The following CGA variants were observed in gnomAD, a reference collection of about 807,000 sequenced individuals.
CGA encodes the protein glycoprotein hormones alpha chain.
A neutral mutation model predicts 12.0 loss-of-function variants in CGA; 4 were observed. The ratio of observed to expected loss-of-function variants is 0.33; its 90% CI spans 0.16 to 0.76. The LOEUF (loss-of-function observed/expected upper bound fraction) is 0.76, where lower values mean the gene tolerates loss of function less well. Ranked by LOEUF, CGA falls within the 30% of genes least tolerant of loss-of-function variation. The pLI is 0.60. For missense variants in CGA, 102 were observed against 143.5 expected, an observed-to-expected ratio of 0.71 and a Z score of 1.48; for synonymous variants, 60 against 56.6, an observed-to-expected ratio of 1.06 and a Z score of -0.27.
chr6:87,092,523 AAGAGAG>A (rs57158408), intron 1 of CGA, among the ~76,000 whole-genome samples: 12 of 146,942 alleles, frequency 8.2e-5, no homozygotes, highest in East Asian at 2.0e-4. Context: ...GAAAACAAAA[AAGAGAG>A]AGAGAGAGAG....
chr6:87,092,048 T>C (rs1025208546), intron 1 of CGA, among the ~76,000 whole-genome samples: 12 of 151,426 alleles, frequency 7.9e-5, no homozygotes, highest in Non-Finnish European at 1.8e-4. Flanking sequence ...GAAGTGGGCA[T>C]CTCACTATGT....
chr6:87,094,210 G>A (rs572771115), intron 1 of CGA, among the ~76,000 whole-genome samples: 1 of 152,296 alleles, frequency 6.6e-6, no homozygotes, highest in South Asian at 2.1e-4. Context: ...GACCCATATA[G>A]TGTCAGCCCA....
rs1303816202 is a variant in CGA, at chr6:87,086,302, T to G, written c.221A>C (p.Gln74Pro). The G allele has an allele frequency of 6.2e-7, 1 of 1,614,016 alleles. No individual in the cohort carries two copies. Among genetic ancestry groups the G allele is most frequent in the South Asian group, 1.1e-5 (1 of 91,068 alleles). ...PLRSKKTMLV[Q>P]KNVTSESTCC... ...AGTGGACTCTGAGGTGACGTTCTTT[T>G]GGACCAACATCGTCTTCTTGGACCT... The change falls in exon 3 of 4, where the codon CAA becomes CCA. Residue 74 changes from glutamine (Q) to proline (P), a missense_variant. Transcript: ENST00000627148.
At chr6:87,087,504 G>T (rs1648035668) in intron 2 of CGA, among the ~76,000 whole-genome samples, 1 of 152,276 alleles carries the variant, frequency 6.6e-6, no homozygotes, top group African/African-American at 2.4e-5. Flanking sequence ...TATTGACAGA[G>T]AGAAATATGT....
intron 1 of CGA, among the ~76,000 whole-genome samples, chr6:87,088,707 A>G (rs952551348): frequency 6.6e-6 from 1 of 152,202 alleles, no homozygotes; most frequent in Non-Finnish European, 1.5e-5. Flanking sequence ...GACATATTAC[A>G]TATCTATCAG....
At chr6:87,086,021 C>T (rs1769315736) in intron 3 of CGA, 188 bp from the exon 4 acceptor site, 8 of 649,300 alleles carry the variant, frequency 1.2e-5, no homozygotes, top group Non-Finnish European at 1.9e-5. Flanking sequence ...TCCCAACCTG[C>T]CCCTTGTCAC....
intron 1 of CGA, among the ~76,000 whole-genome samples, chr6:87,093,651 C>A (rs752168915): frequency 5.3e-5 from 8 of 152,172 alleles, no homozygotes; most frequent in African/African-American, 1.7e-4. Context: ...CTTTGATGTG[C>A]TTTTAAGCAA....
At chr6:87,091,072 T>C (rs182020453) in intron 1 of CGA, among the ~76,000 whole-genome samples, 94 of 152,346 alleles carry the variant, frequency 6.2e-4, no homozygotes, top group African/African-American at 2.0e-3. Flanking sequence ...ATCATGTTTG[T>C]GCCTTAATAT....
chr6:87,088,030 G>T (rs1769355070), intron 2 of CGA, 83 bp downstream of exon 2: 2 of 678,140 alleles, frequency 2.9e-6, no homozygotes, highest in Non-Finnish European at 4.9e-6. Context: ...AAAGGTGGTA[G>T]AAATGTAATT....
At position 87,086,542 on chromosome 6, in the gene CGA, C is replaced by T. The variant is rs867761817; in HGVS notation, c.89-108G>A. 12 of 1,045,128 alleles carry T rather than the reference C, an allele frequency of 1.1e-5. No individual in the cohort carries two copies. The Middle Eastern group carries it at 2.8e-3, about 244-fold the overall frequency. The allele number at this position is 1,045,128 out of a possible 1,614,324, so 64.7% of individuals were successfully genotyped here. A position where few individuals can be genotyped will look rare whatever the true frequency, so the allele number is the denominator to read the frequency against. Reference sequence around the variant, plus strand: ...CTGTAATCCTAGCACTTTGGGAGGCCTTAGTGGGTGGATTGCTTGAGCTCA... The same window carrying T: ...CTGTAATCCTAGCACTTTGGGAGGCTTTAGTGGGTGGATTGCTTGAGCTCA... On this transcript the variant is annotated intron_variant, in intron 2 of 3. Coordinates refer to ENST00000627148, the MANE Select transcript of CGA (RefSeq NM_000735.4).
chr6:87,086,039 C>G (rs958285873), intron 3 of CGA: 2 of 645,562 alleles, frequency 3.1e-6, no homozygotes, highest in Non-Finnish European at 2.7e-6. Context: ...CACCTCTACC[C>G]CTATTCTCCT....
intron 1 of CGA, among the ~76,000 whole-genome samples, chr6:87,094,093 A>T (rs1162630568): frequency 1.6e-5 from 1 of 61,844 alleles, no homozygotes; most frequent in Non-Finnish European, 2.9e-5. Context: ...ACTTTAAAAG[A>T]TTCCTTTTCT....
chr6:87,088,230 A>G (rs1376435236), intron 1 of CGA, 23 bp from the exon 2 acceptor site: 1 of 1,358,048 alleles, frequency 7.4e-7, no homozygotes. Flanking sequence ...ATGGCAAAAA[A>G]AAAAAAACAA....
At chr6:87,090,502 A>G (rs1312875168) in intron 1 of CGA, among the ~76,000 whole-genome samples, 3 of 152,180 alleles carry the variant, frequency 2.0e-5, no homozygotes. Flanking sequence ...TAAAAAATAA[A>G]TATATGTTAT....
rs1248134690 is a variant in CGA at position 87,086,239 on chromosome 6, G to A, written c.273+11C>T. The stretch of plus-strand genomic sequence containing the variant: ...CTGTTAGAAAGCTTCTGGGGATCTT[G>A]AGGTTCTTACCCTGTTATATGATTT... On this transcript the variant is annotated intron_variant, in intron 3 of 3. Transcript: ENST00000627148. 3 of 1,600,830 alleles carry A rather than the reference G, an allele frequency of 1.9e-6. No individual in the cohort carries two copies. Among genetic ancestry groups the A allele is most frequent in the Non-Finnish European group, 2.6e-6 (3 of 1,174,636 alleles).
chr6:87,085,934 G>T, intron 3 of CGA, 101 bp from the exon 4 acceptor site: 1 of 835,490 alleles, frequency 1.2e-6, no homozygotes, highest in Non-Finnish European at 2.0e-6. Flanking sequence ...GCATTCTGCT[G>T]AAATAAGTAG....
chr6:87,086,899 G>A (rs1387194086), intron 2 of CGA, among the ~76,000 whole-genome samples: 6 of 152,186 alleles, frequency 3.9e-5, no homozygotes, highest in African/African-American at 1.4e-4. Flanking sequence ...CCAACATGGT[G>A]AAACCCCATC....
chr6:87,094,433 A>G (rs1292455511), intron 1 of CGA, among the ~76,000 whole-genome samples: 2 of 152,252 alleles, frequency 1.3e-5, no homozygotes, highest in African/African-American at 4.8e-5. Flanking sequence ...TTCATGAATA[A>G]TAGCTAGAGA....
Position 87,086,162 on chromosome 6 carries a change from C to A in CGA, c.273+88G>T, listed in dbSNP as rs182380510. The A allele has an allele frequency of 2.5e-6, 3 of 1,203,772 alleles. No homozygotes were observed. In the African/African-American group the frequency reaches 4.6e-5, roughly 18 times the overall value. 74.6% of individuals were successfully genotyped at this position (1,203,772 alleles called of 1,614,324 possible). On this transcript the variant is annotated intron_variant, in intron 3 of 3. Coordinates refer to ENST00000627148, the MANE Select transcript of CGA (RefSeq NM_000735.4). Reference sequence around the variant, plus strand: ...TCGACAGAGGCTGGGTCATTAGACACCTTTGGCATTAAATTCCATGGGTGG... The same window carrying A: ...TCGACAGAGGCTGGGTCATTAGACAACTTTGGCATTAAATTCCATGGGTGG...
Sources: gnomAD v4.1 joint callset for allele counts (sites outside exome capture counted in the v4.1 genomes callset) on GRCh38, gnomAD v4.1.1 for gene constraint, MANE v1.5 for transcripts, NCBI Gene and HGNC (gene_info 2026-07-23, HGNC 2026-07-21) for gene names.